The following SMOC2 variants were observed in gnomAD, a reference collection of about 807,000 sequenced individuals.
SMOC2 encodes SPARC-related modular calcium-binding protein 2.
SMOC2 carries 39 observed loss-of-function variants against 61.4 expected under a neutral mutation model. The observed-to-expected ratio is 0.64, with a 90% confidence interval of 0.49 to 0.83. The LOEUF (loss-of-function observed/expected upper bound fraction) is 0.83, where lower values mean the gene tolerates loss of function less well. Among genes scored for constraint, SMOC2 ranks in the 40% least tolerant of loss-of-function variants. SMOC2 has a pLI of 0.00. For missense variants in SMOC2, 556 were observed against 592.9 expected (o/e 0.94, Z 0.65); for synonymous variants, 247 against 239.9 (o/e 1.03, Z -0.27).
intron 2 of SMOC2, among the ~76,000 whole-genome samples, chr6:168,520,454 G>A (rs1783302778): frequency 6.6e-6 from 1 of 152,186 alleles, no homozygotes; most frequent in South Asian, 2.1e-4. Context: ...CCCCGTCCCG[G>A]CCAGCCCTGC....
intron 1 of SMOC2, among the ~76,000 whole-genome samples, chr6:168,460,038 T>A (rs936596706): frequency 2.0e-5 from 3 of 152,200 alleles, no homozygotes; most frequent in African/African-American, 7.2e-5. Flanking sequence ...TTTGAACTCT[T>A]TGGAAACCTT....
At chr6:168,567,877 C>T (rs1186687894) in intron 7 of SMOC2, among the ~76,000 whole-genome samples, 3 of 150,394 alleles carry the variant, frequency 2.0e-5, no homozygotes, top group Non-Finnish European at 4.5e-5. Context: ...TTTAGTGCGT[C>T]TTCGCTTCAG....
At chr6:168,493,280 A>G (rs1391492253) in intron 1 of SMOC2, among the ~76,000 whole-genome samples, 1 of 152,110 alleles carries the variant, frequency 6.6e-6, no homozygotes, top group Non-Finnish European at 1.5e-5. Flanking sequence ...CAGGAGATCC[A>G]CCTGCCTCGG....
intron 1 of SMOC2, among the ~76,000 whole-genome samples, chr6:168,490,847 C>T (rs757205417): frequency 2.6e-5 from 4 of 152,216 alleles, no homozygotes; most frequent in Non-Finnish European, 5.9e-5. Flanking sequence ...CCGCTCAGCA[C>T]TGAGTGGGGC....
At chr6:168,584,192 C>T (rs994965668) in intron 7 of SMOC2, among the ~76,000 whole-genome samples, 4 of 152,218 alleles carry the variant, frequency 2.6e-5, no homozygotes, top group Non-Finnish European at 4.4e-5. Flanking sequence ...GATGGCCATG[C>T]AGGGTTGCAG....
At chr6:168,615,802 A>G (rs1241055942) in intron 9 of SMOC2, among the ~76,000 whole-genome samples, 2 of 152,246 alleles carry the variant, frequency 1.3e-5, no homozygotes, top group East Asian at 3.9e-4. Flanking sequence ...GCCCCAAGCA[A>G]TTGCTGGCAT....
intron 9 of SMOC2, among the ~76,000 whole-genome samples, chr6:168,625,472 G>A (rs989425323): frequency 6.6e-6 from 1 of 152,216 alleles, no homozygotes; most frequent in Non-Finnish European, 1.5e-5. Flanking sequence ...CAAATGCCCC[G>A]CATGGCGTTC....
rs1316317538 is a variant in SMOC2 at position 168,527,877 on chromosome 6, G to C, written c.463+150G>C. Reference sequence around the variant, plus strand: ...CACAGTGGGAATAGATCTCGTCACTGACAAAGCCTACATTTTAGGGAGCCC... The same window carrying C: ...CACAGTGGGAATAGATCTCGTCACTCACAAAGCCTACATTTTAGGGAGCCC... On this transcript the variant is annotated intron_variant, in intron 4 of 12. Coordinates refer to ENST00000356284, the MANE Select transcript of SMOC2 (RefSeq NM_001166412.2). 1.4e-5 allele frequency: 9 copies of C among 638,220 alleles called. No individual in the cohort carries two copies. In the Admixed American group the frequency reaches 2.2e-4, roughly 16 times the overall value. 39.5% of individuals were successfully genotyped at this position (638,220 alleles called of 1,614,324 possible).
intron 4 of SMOC2, among the ~76,000 whole-genome samples, chr6:168,542,663 C>T (rs958958683): frequency 2.0e-5 from 3 of 152,044 alleles, no homozygotes; most frequent in Admixed American, 6.6e-5. Context: ...AGGCAGTGTC[C>T]GCTGAGAGTG....
chr6:168,659,580 G>T (rs1407492870), intron 11 of SMOC2, among the ~76,000 whole-genome samples: 2 of 82,716 alleles, frequency 2.4e-5, no homozygotes, highest in Admixed American at 2.4e-4. Flanking sequence ...TTGAGTCAGG[G>T]TGGAGGTTGT....
intron 7 of SMOC2, among the ~76,000 whole-genome samples, chr6:168,569,751 A>G (rs1293925084): frequency 6.6e-6 from 1 of 152,182 alleles, no homozygotes; most frequent in Non-Finnish European, 1.5e-5. Flanking sequence ...ACCTGGACCT[A>G]AGTAATTTTT....
intron 7 of SMOC2, among the ~76,000 whole-genome samples, chr6:168,583,715 G>T (rs900159674): frequency 1.3e-5 from 2 of 152,224 alleles, no homozygotes; most frequent in African/African-American, 4.8e-5. Context: ...TGAGTTCACA[G>T]GCTTGGGCCC....
chr6:168,658,705 A>C (rs1302051401), intron 11 of SMOC2, among the ~76,000 whole-genome samples: 1 of 152,196 alleles, frequency 6.6e-6, no homozygotes, highest in East Asian at 1.9e-4. Flanking sequence ...CAGAGCTGTG[A>C]TTATGGTGAC....
rs1305658966 is a variant in SMOC2, at chr6:168,666,564, G to A, written c.*126G>A. The A allele has an allele frequency of 1.9e-6, 2 of 1,054,492 alleles. No homozygotes were observed. Among genetic ancestry groups the A allele is most frequent in the Admixed American group, 4.0e-5 (2 of 49,688 alleles). 65.3% of individuals were successfully genotyped at this position (1,054,492 alleles called of 1,614,324 possible). A position where few individuals can be genotyped will look rare whatever the true frequency, so the allele number is the denominator to read the frequency against. ...TGTACTTTAAATGTAAATTCACTTT[G>A]TAGAAATGAGCTATTTAAACAGACT... On this transcript the variant is annotated 3_prime_UTR_variant, in exon 13 of 13. Coordinates refer to ENST00000356284, the MANE Select transcript of SMOC2 (RefSeq NM_001166412.2).
chr6:168,575,236 C>T (rs1268501731), intron 7 of SMOC2, among the ~76,000 whole-genome samples: 1 of 152,182 alleles, frequency 6.6e-6, no homozygotes, highest in Non-Finnish European at 1.5e-5. Flanking sequence ...TCAGGCTGTT[C>T]TTCTGTGGCT....
chr6:168,588,638 G>T (rs189868024), intron 7 of SMOC2, among the ~76,000 whole-genome samples: 22 of 152,308 alleles, frequency 1.4e-4, no homozygotes, highest in Admixed American at 1.4e-3. Flanking sequence ...GGATTGAAGC[G>T]GAGTGGCCAG....
At chr6:168,461,400 T>C (rs1781716463) in intron 1 of SMOC2, among the ~76,000 whole-genome samples, 1 of 152,202 alleles carries the variant, frequency 6.6e-6, no homozygotes, top group African/African-American at 2.4e-5. Context: ...TTCAATGGTG[T>C]TGGGTACACT....
chr6:168,653,083 C>T lies in SMOC2; in HGVS notation c.1140C>T (p.Arg380=). The change falls in exon 11 of 13, where the codon CGC becomes CGT. Residue 380 remains arginine, a synonymous_variant. Transcript: ENST00000356284. ...TCAAACCCTTCAAGAGGTTCCTTCG[C>T]AAAAAATCAAAGCCCAAAAAATGTG... ...KEIKPFKRFL[R]KKSKPKKCVK... The T allele has an allele frequency of 6.2e-7, 1 of 1,614,052 alleles. No individual in the cohort carries two copies. Among genetic ancestry groups the T allele is most frequent in the Non-Finnish European group, 8.5e-7 (1 of 1,180,020 alleles).
chr6:168,649,282 A>G (rs1350099749), intron 9 of SMOC2, among the ~76,000 whole-genome samples: 1 of 152,212 alleles, frequency 6.6e-6, no homozygotes, highest in East Asian at 1.9e-4. Context: ...TAAATTGGGC[A>G]GAAGGTGTGT....
Sources: gnomAD v4.1 joint callset for allele counts (sites outside exome capture counted in the v4.1 genomes callset) on GRCh38, gnomAD v4.1.1 for gene constraint, MANE v1.5 for transcripts, NCBI Gene and HGNC (gene_info 2026-07-23, HGNC 2026-07-21) for gene names.